SLC27A6: variants seen among roughly 807,000 people sequenced by gnomAD.
The protein encoded by SLC27A6 is solute carrier family 27 member 6, also known as long-chain fatty acid transport protein 6.
In SLC27A6, 74 loss-of-function variants were observed where a neutral mutation model predicts 63.9. That is an observed-to-expected ratio of 1.16 (90% CI 0.96 to 1.40). The LOEUF (loss-of-function observed/expected upper bound fraction) is 1.40. Among genes scored for constraint, SLC27A6 ranks in the 40% most tolerant of loss-of-function variants. The probability of loss-of-function intolerance (pLI) is 0.00; values close to 1 mark genes in which losing one functional copy is unlikely to be tolerated. For synonymous variants in SLC27A6, 287 were observed against 260.8 expected (o/e 1.10, Z -0.97); for missense variants, 794 against 732.9 (o/e 1.08, Z -0.96).
intron 1 of SLC27A6, among the ~76,000 whole-genome samples, chr5:128,975,798 G>A (rs938189793): frequency 2.0e-5 from 3 of 151,968 alleles, no homozygotes; most frequent in Non-Finnish European, 4.4e-5. Context: ...CATTATTTTT[G>A]CTCCTGACAG....
At chr5:128,983,289 G>GTTTTTTTTTTT (rs1195794733) in intron 1 of SLC27A6, among the ~76,000 whole-genome samples, 3 of 111,108 alleles carry the variant, frequency 2.7e-5, no homozygotes, top group Admixed American at 1.1e-4. Flanking sequence ...TCTGATCCGG[G>GTTTTTTTTTTT]TTTTTTTTTT....
chr5:128,978,610 G>A (rs1236467124), intron 1 of SLC27A6, among the ~76,000 whole-genome samples: 1 of 152,102 alleles, frequency 6.6e-6, no homozygotes, highest in Non-Finnish European at 1.5e-5. Flanking sequence ...ATCTGGCGTG[G>A]CCTATGAAAC....
chr5:128,992,121 ACGTGGGGTGGGG>A (rs1751005036), intron 4 of SLC27A6, among the ~76,000 whole-genome samples: 2 of 141,582 alleles, frequency 1.4e-5, no homozygotes, highest in African/African-American at 5.9e-5. Flanking sequence ...ATATTGCCCT[ACGTGGGGTGGGG>A]CAACAGAACC....
intron 4 of SLC27A6, among the ~76,000 whole-genome samples, chr5:129,006,142 G>C (rs1431108954): frequency 1.6e-5 from 2 of 126,440 alleles, no homozygotes; most frequent in African/African-American, 3.1e-5. Context: ...GCAGTTGTGT[G>C]ATCTTGGCTC....
intron 3 of SLC27A6, among the ~76,000 whole-genome samples, chr5:128,989,271 T>C (rs529632280): frequency 5.1e-4 from 78 of 152,264 alleles, no homozygotes; most frequent in African/African-American, 1.9e-3. Flanking sequence ...CCTGAAGAAA[T>C]TGCTGAGGCC....
At chr5:128,982,602 G>T (rs1454061558) in intron 1 of SLC27A6, among the ~76,000 whole-genome samples, 1 of 152,154 alleles carries the variant, frequency 6.6e-6, no homozygotes, top group African/African-American at 2.4e-5. Flanking sequence ...TCAGAGATTT[G>T]CACTTACAAG....
chr5:128,972,300 T>C (rs1408804519), intron 1 of SLC27A6, among the ~76,000 whole-genome samples: 1 of 152,230 alleles, frequency 6.6e-6, no homozygotes, highest in Non-Finnish European at 1.5e-5. Context: ...TGAATTTGAA[T>C]GTTGGTCTGC....
rs754525332 is a variant in SLC27A6, at chr5:129,027,102, A to G, written c.1256-31A>G. ...TGTGTGTAACAATAGTTTTAATCAG[A>G]TGGCTGCAAAAATGTCGTTCTTTCT... is the stretch of plus-strand genomic sequence containing the variant. On this transcript the variant is annotated intron_variant, in intron 6 of 9. Transcript: ENST00000262462. 68 of 1,578,178 alleles carry G rather than the reference A, an allele frequency of 4.3e-5. No homozygotes were observed. In the Middle Eastern group the frequency reaches 1.3e-3, roughly 31 times the overall value.
chr5:128,996,016 G>T (rs1751147660), intron 4 of SLC27A6, among the ~76,000 whole-genome samples: 1 of 141,502 alleles, frequency 7.1e-6, no homozygotes, highest in Admixed American at 7.5e-5. Context: ...GAGATTCGAG[G>T]AATTAAAATT....
intron 1 of SLC27A6, among the ~76,000 whole-genome samples, chr5:128,967,906 C>A (rs1308762175): frequency 3.9e-5 from 6 of 152,016 alleles, no homozygotes; most frequent in Non-Finnish European, 8.8e-5. Flanking sequence ...TGCTATCCCT[C>A]CCCACTCCCC....
chr5:129,030,690 AC>A (rs1318507253), intron 9 of SLC27A6, among the ~76,000 whole-genome samples: 4 of 152,036 alleles, frequency 2.6e-5, no homozygotes, highest in African/African-American at 9.7e-5. Context: ...ATTGACACGC[AC>A]TTATAAGAAA....
At chr5:128,994,029 G>A (rs1050730668) in intron 4 of SLC27A6, among the ~76,000 whole-genome samples, 13 of 152,084 alleles carry the variant, frequency 8.5e-5, no homozygotes, top group East Asian at 5.8e-4. Context: ...TTAGCCGGGC[G>A]TGGTGGCGAG....
intron 1 of SLC27A6, among the ~76,000 whole-genome samples, chr5:128,970,917 A>G (rs746046869): frequency 7.2e-5 from 11 of 152,150 alleles, no homozygotes; most frequent in Non-Finnish European, 1.5e-4. Context: ...TTCCCTCTAC[A>G]CACTGCTTTA....
At chr5:129,029,776 T>C in intron 9 of SLC27A6, 69 bp downstream of exon 9, 1 of 1,341,784 alleles carries the variant, frequency 7.5e-7, no homozygotes, top group Non-Finnish European at 1.0e-6. Context: ...AATTGCAAAA[T>C]AATATTGTAT....
Position 128,966,012 on chromosome 5 carries a change from T to C in SLC27A6, c.-126T>C. On this transcript the variant is annotated 5_prime_UTR_variant, in exon 1 of 10. Transcript: ENST00000262462. ...CCATCCCGCTTCGCCCCGGAAAAGC[T>C]GACAAGAACTTCAGGTGTAAGCCCT... 8.6e-7 allele frequency: 1 copy of C among 1,157,812 alleles called. No homozygotes were observed. Among genetic ancestry groups the C allele is most frequent in the Non-Finnish European group, 1.2e-6 (1 of 860,922 alleles). The allele number at this position is 1,157,812 out of a possible 1,614,324, so 71.7% of individuals were successfully genotyped here. A position where few individuals can be genotyped will look rare whatever the true frequency, so the allele number is the denominator to read the frequency against.
chr5:129,005,803 G>A (rs1561624730), intron 4 of SLC27A6, among the ~76,000 whole-genome samples: 1 of 151,378 alleles, frequency 6.6e-6, no homozygotes, highest in African/African-American at 2.4e-5. Context: ...TAGTGGAGAC[G>A]GGGTTTCACG....
intron 1 of SLC27A6, among the ~76,000 whole-genome samples, chr5:128,981,486 A>T (rs1002601853): frequency 3.2e-4 from 45 of 138,898 alleles, no homozygotes; most frequent in African/African-American, 1.1e-3. Context: ...ATCTCAAAAA[A>T]AAAAAAGAAA....
Position 129,006,071 on chromosome 5 carries a change from GTTTTTTTTTT to G in SLC27A6, c.970-9798_970-9789del, listed in dbSNP as rs4068575. ...TAAAATTTTCATTCCTGTGCACACT[GTTTTTTTTTT>G]TTTTTTTTTTTTTTTGAGACGGAGT... On this transcript the variant is annotated intron_variant, in intron 4 of 9. Coordinates refer to ENST00000262462, the MANE Select transcript of SLC27A6 (RefSeq NM_001017372.3). Among the ~76,000 whole-genome samples, 463 of 60,158 alleles carry G rather than the reference GTTTTTTTTTT, an allele frequency of 7.7e-3. 7 individuals carry two copies. Among genetic ancestry groups the G allele is most frequent in the African/African-American group, 0.036 (431 of 12,110 alleles). The allele number at this position is 60,158 out of a possible 152,430, so 39.5% of individuals were successfully genotyped here. A position where few individuals can be genotyped will look rare whatever the true frequency, so the allele number is the denominator to read the frequency against.
intron 1 of SLC27A6, among the ~76,000 whole-genome samples, chr5:128,968,096 C>T (rs991244245): frequency 6.0e-4 from 92 of 152,192 alleles, no homozygotes; most frequent in African/African-American, 2.2e-3. Context: ...TGAACTCATC[C>T]TTTTTTATGG....
Sources: allele counts gnomAD v4.1 joint callset (sites outside exome capture counted in the v4.1 genomes callset), GRCh38; gene constraint gnomAD v4.1.1; transcripts MANE v1.5; gene names NCBI Gene and HGNC (gene_info 2026-07-23, HGNC 2026-07-21).